CNTN3: variants seen among roughly 807,000 people sequenced by gnomAD.
CNTN3 encodes contactin 3, also known as contactin-3.
A neutral mutation model predicts 119.1 loss-of-function variants in CNTN3; 60 were observed. That is an observed-to-expected ratio of 0.50 (90% confidence interval 0.41 to 0.62). The LOEUF (loss-of-function observed/expected upper bound fraction) is 0.62. Among genes scored for constraint, CNTN3 ranks in the 20% least tolerant of loss-of-function variants. The pLI, the probability that CNTN3 is intolerant of heterozygous loss-of-function variation, is 0.00. For missense variants in CNTN3, 1,101 were observed against 1,242.4 expected, an observed-to-expected ratio of 0.89 and a Z score of 1.71; for synonymous variants, 450 against 438.7, an observed-to-expected ratio of 1.03 and a Z score of -0.32.
At chr3:74,487,703 T>C (rs1702883997) in intron 3 of CNTN3, among the ~76,000 whole-genome samples, 1 of 152,108 alleles carries the variant, frequency 6.6e-6, no homozygotes, top group South Asian at 2.1e-4. Flanking sequence ...ATATATACAA[T>C]ATTTAACCTG....
chr3:74,330,159 C>A (rs1406175294), intron 13 of CNTN3, among the ~76,000 whole-genome samples: 4 of 152,088 alleles, frequency 2.6e-5, no homozygotes, highest in Non-Finnish European at 5.9e-5. Flanking sequence ...AGTTCAAGAC[C>A]AGCCTGGCCA....
At chr3:74,420,910 C>G (rs1701605934) in intron 5 of CNTN3, among the ~76,000 whole-genome samples, 1 of 152,180 alleles carries the variant, frequency 6.6e-6, no homozygotes, top group Admixed American at 6.5e-5. Context: ...TAGTTTCTGG[C>G]CTCCTGCCTC....
intron 1 of CNTN3, among the ~76,000 whole-genome samples, chr3:74,588,706 T>C (rs376979716): frequency 0.03 from 4,503 of 152,162 alleles, 84 homozygotes; most frequent in South Asian, 0.041. Flanking sequence ...CTTCAAACTA[T>C]ACTACAAGGC....
intron 4 of CNTN3, among the ~76,000 whole-genome samples, chr3:74,434,587 G>A (rs1701836331): frequency 6.6e-6 from 1 of 152,118 alleles, no homozygotes. Flanking sequence ...GACAAACCTA[G>A]GTGCAATCCC....
At chr3:74,443,299 C>T (rs1397163298) in intron 4 of CNTN3, among the ~76,000 whole-genome samples, 1 of 152,152 alleles carries the variant, frequency 6.6e-6, no homozygotes, top group Non-Finnish European at 1.5e-5. Flanking sequence ...TCCTTTCCAT[C>T]TCACCACCTA....
chr3:74,489,121 T>C (rs572842779), intron 3 of CNTN3, among the ~76,000 whole-genome samples: 5 of 152,270 alleles, frequency 3.3e-5, no homozygotes, highest in Admixed American at 3.3e-4. Context: ...GTGAATACTC[T>C]GAAACACAAT....
At chr3:74,384,119 A>C (rs753537979) in intron 5 of CNTN3, among the ~76,000 whole-genome samples, 2 of 152,216 alleles carry the variant, frequency 1.3e-5, no homozygotes, top group African/African-American at 2.4e-5. Flanking sequence ...AGTAAAGTTT[A>C]CATTTACTAC....
chr3:74,499,847 T>C, intron 2 of CNTN3, 62 bp from the exon 3 acceptor site: 3 of 1,494,494 alleles, frequency 2.0e-6, no homozygotes, highest in Non-Finnish European at 1.8e-6. Context: ...AAAAGTTACA[T>C]TCCAGTATTG....
intron 11 of CNTN3, among the ~76,000 whole-genome samples, chr3:74,355,525 G>A (rs1056203230): frequency 6.6e-6 from 1 of 151,908 alleles, no homozygotes; most frequent in Non-Finnish European, 1.5e-5. Context: ...CAAGGTCTCG[G>A]TACACTGCAA....
intron 1 of CNTN3, among the ~76,000 whole-genome samples, chr3:74,529,768 G>A (rs150285020): frequency 6.6e-6 from 1 of 151,934 alleles, no homozygotes; most frequent in Non-Finnish European, 1.5e-5. Flanking sequence ...TAAATGAAAT[G>A]AAAAGTCCTA....
At position 74,439,283 on chromosome 3, in the gene CNTN3, G is replaced by T. The variant is rs143958176; in HGVS notation, c.359-14343C>A. ...GCACTTTGGGAGGCCAAGGTAGGCA[G>T]ATCACTTGAGGCCAGGAGTTCGAGA... is the stretch of plus-strand genomic sequence containing the variant. On this transcript the variant is annotated intron_variant, in intron 4 of 22. Transcript: ENST00000263665. 5.2e-3 allele frequency among the ~76,000 whole-genome samples: 798 copies of T among 152,276 alleles called. 8 individuals are homozygous for T. Among genetic ancestry groups the T allele is most frequent in the African/African-American group, 0.018 (732 of 41,556 alleles).
At chr3:74,452,443 C>T (rs1484439657) in intron 4 of CNTN3, among the ~76,000 whole-genome samples, 1 of 144,536 alleles carries the variant, frequency 6.9e-6, no homozygotes, top group Non-Finnish European at 1.5e-5. Flanking sequence ...TCTAGATATA[C>T]AATCATGTCA....
intron 5 of CNTN3, among the ~76,000 whole-genome samples, chr3:74,398,280 T>G (rs892560768): frequency 1.3e-5 from 2 of 152,194 alleles, no homozygotes; most frequent in Non-Finnish European, 2.9e-5. Context: ...TTTAAGAAAC[T>G]GCCACAATCA....
chr3:74,556,303 C>T (rs1340277997), intron 1 of CNTN3, among the ~76,000 whole-genome samples: 3 of 152,124 alleles, frequency 2.0e-5, no homozygotes, highest in Admixed American at 2.0e-4. Flanking sequence ...GCAGGCTCCC[C>T]TCTTCTCTTC....
chr3:74,370,680 C>G (rs1297492179), intron 6 of CNTN3, among the ~76,000 whole-genome samples: 1 of 152,080 alleles, frequency 6.6e-6, no homozygotes, highest in Non-Finnish European at 1.5e-5. Context: ...GTCAACTACC[C>G]AGGCTTACGG....
At chr3:74,447,113 G>A (rs1702063053) in intron 4 of CNTN3, among the ~76,000 whole-genome samples, 1 of 152,160 alleles carries the variant, frequency 6.6e-6, no homozygotes, top group Non-Finnish European at 1.5e-5. Context: ...ATATAAAGAA[G>A]CCAAAAAGAA....
chr3:74,299,144 G>C (rs1185015155), intron 17 of CNTN3, among the ~76,000 whole-genome samples: 17 of 151,940 alleles, frequency 1.1e-4, no homozygotes, highest in Admixed American at 1.1e-3. Context: ...GGAGGTGGAG[G>C]TTGCAGTGAG....
intron 4 of CNTN3, among the ~76,000 whole-genome samples, chr3:74,457,248 C>A (rs1180327306): frequency 7.9e-5 from 12 of 151,826 alleles, no homozygotes; most frequent in Non-Finnish European, 5.9e-5. Flanking sequence ...TGATTGTTTC[C>A]AAAAGTCTAA....
chr3:74,380,453 C>T (rs540924176), intron 5 of CNTN3, among the ~76,000 whole-genome samples: 5 of 152,160 alleles, frequency 3.3e-5, no homozygotes, highest in South Asian at 2.1e-4. Context: ...ATTTCTTTTT[C>T]AGTTCAGTCC....
Sources: gnomAD v4.1 joint callset for allele counts (sites outside exome capture counted in the v4.1 genomes callset) on GRCh38, gnomAD v4.1.1 for gene constraint, MANE v1.5 for transcripts, NCBI Gene and HGNC (gene_info 2026-07-23, HGNC 2026-07-21) for gene names.